GSE1: variants seen among roughly 807,000 people sequenced by gnomAD.
The protein encoded by GSE1 is Gse1 coiled-coil protein.
GSE1 carries 32 observed loss-of-function variants against 112.6 expected under a neutral mutation model. The ratio of observed to expected loss-of-function variants is 0.28; its 90% CI spans 0.21 to 0.38. The LOEUF is 0.38. Ranked by LOEUF, GSE1 falls within the 10% of genes least tolerant of loss-of-function variation. The probability of loss-of-function intolerance (pLI) is 1.00; values close to 1 mark genes in which losing one functional copy is unlikely to be tolerated. For synonymous variants in GSE1, 1,115 were observed against 735.6 expected, an observed-to-expected ratio of 1.52 and a Z score of -8.35; for missense variants, 2,348 against 1,699.2, an observed-to-expected ratio of 1.38 and a Z score of -6.71.
chr16:85,384,570 T>G (rs1402199151), intron 2 of GSE1, among the ~76,000 whole-genome samples: 1 of 152,224 alleles, frequency 6.6e-6, no homozygotes, highest in African/African-American at 2.4e-5. Flanking sequence ...TTTCCTTTAC[T>G]GTTCCTTGCC....
intron 1 of GSE1, among the ~76,000 whole-genome samples, chr16:85,587,851 C>G (rs1010882098): frequency 6.6e-6 from 1 of 152,226 alleles, no homozygotes; most frequent in South Asian, 2.1e-4. Flanking sequence ...CCCCCTCCCC[C>G]AGCCCTTCCC....
intron 1 of GSE1, among the ~76,000 whole-genome samples, chr16:85,596,868 T>C (rs1219904818): frequency 6.6e-6 from 1 of 152,160 alleles, no homozygotes; most frequent in Non-Finnish European, 1.5e-5. Context: ...AAACCCTGTC[T>C]CTACTAAAAA....
upstream of GSE1, among the ~76,000 whole-genome samples, chr16:85,607,823 C>G (rs1487334040): frequency 1.3e-5 from 2 of 152,234 alleles, no homozygotes; most frequent in African/African-American, 4.8e-5. Context: ...TGCTAGGAGA[C>G]AGGGGCCTTC....
At chr16:85,378,505 A>T (rs2151614971) in intron 2 of GSE1, among the ~76,000 whole-genome samples, 1 of 152,318 alleles carries the variant, frequency 6.6e-6, no homozygotes, top group Non-Finnish European at 1.5e-5. Context: ...CCAGGGCCAG[A>T]GAGACCCCAG....
chr16:85,297,441 A>C (rs184516823), intron 1 of GSE1, among the ~76,000 whole-genome samples: 1 of 152,332 alleles, frequency 6.6e-6, no homozygotes. Flanking sequence ...TAGTTTAAGA[A>C]TTATGACTTC....
chr16:85,259,906 A>G (rs1449524065), intron 1 of GSE1, among the ~76,000 whole-genome samples: 3 of 152,202 alleles, frequency 2.0e-5, no homozygotes, highest in Admixed American at 2.0e-4. Context: ...ACCCCAGCCC[A>G]GCTGCAGGGA....
intron 1 of GSE1, among the ~76,000 whole-genome samples, chr16:85,197,392 C>CAG (rs761831907): frequency 5.3e-5 from 8 of 152,290 alleles, no homozygotes. Context: ...TTCTCTTCCT[C>CAG]GGGGAATTTC....
chr16:85,412,743 C>A (rs954684952), intron 2 of GSE1, among the ~76,000 whole-genome samples: 3 of 152,066 alleles, frequency 2.0e-5, no homozygotes. Context: ...CCGGATAATC[C>A]TCACCGTTGC....
intron 1 of GSE1, among the ~76,000 whole-genome samples, chr16:85,306,783 T>C (rs895156213): frequency 1.3e-5 from 2 of 152,260 alleles, no homozygotes; most frequent in Admixed American, 6.5e-5. Flanking sequence ...CGGAGGCAGA[T>C]TGGAAGGAGC....
chr16:85,573,180 T>C (rs2046080674), intron 1 of GSE1, among the ~76,000 whole-genome samples: 1 of 152,216 alleles, frequency 6.6e-6, no homozygotes, highest in East Asian at 1.9e-4. Flanking sequence ...TTTCTTTTTT[T>C]AAAGGATGAA....
chr16:85,641,782 G>C (rs912270027), intron 2 of GSE1, among the ~76,000 whole-genome samples: 9 of 152,266 alleles, frequency 5.9e-5, no homozygotes, highest in Non-Finnish European at 4.4e-5. Flanking sequence ...GAAAGTGGCT[G>C]GGGTGACTCA....
chr16:85,465,082 C>G (rs2050086905), intron 2 of GSE1, among the ~76,000 whole-genome samples: 1 of 152,250 alleles, frequency 6.6e-6, no homozygotes, highest in African/African-American at 2.4e-5. Context: ...GGGTCACGCC[C>G]CCAGCCAGCC....
chr16:85,604,360 A>G (rs984699029), intron 1 of GSE1, among the ~76,000 whole-genome samples: 4 of 152,186 alleles, frequency 2.6e-5, no homozygotes, highest in African/African-American at 9.6e-5. Context: ...TGGCTGAGTA[A>G]TAGTCCACTC....
At chr16:85,266,030 T>G (rs1046651268) in intron 1 of GSE1, among the ~76,000 whole-genome samples, 3 of 152,180 alleles carry the variant, frequency 2.0e-5, no homozygotes, top group Non-Finnish European at 2.9e-5. Flanking sequence ...ATGATGGATT[T>G]CAGGCCGCGG....
At chr16:85,615,247 A>G (rs866961913) in intron 1 of GSE1, among the ~76,000 whole-genome samples, 20 of 152,112 alleles carry the variant, frequency 1.3e-4, no homozygotes, top group Admixed American at 3.3e-4. Flanking sequence ...TCCGACGGCG[A>G]AGTGTGTCAT....
chr16:85,662,775 G>A, intron 9 of GSE1: 1 of 546,594 alleles, frequency 1.8e-6, no homozygotes, highest in South Asian at 2.4e-5. Context: ...TGGATCCCAG[G>A]GAAGCCTGGT....
At chr16:85,510,420 CTGTG>C (rs964109424) in intron 2 of GSE1, among the ~76,000 whole-genome samples, 1 of 148,778 alleles carries the variant, frequency 6.7e-6, no homozygotes, top group Non-Finnish European at 1.5e-5. Context: ...GTGTGTGTGT[CTGTG>C]TGTGTGTGTG....
At chr16:85,405,087 GCC>G (rs554918732) in intron 2 of GSE1, among the ~76,000 whole-genome samples, 1 of 2,294 alleles carries the variant, frequency 4.4e-4, no homozygotes, top group Non-Finnish European at 1.6e-3. Flanking sequence ...TACACTCAGG[GCC>G]CCCCCGGATA....
At position 85,536,329 on chromosome 16, in the gene GSE1, C is replaced by G. The variant is rs567765999; in HGVS notation, c.2465-97585C>G. 2.7e-3 allele frequency among the ~76,000 whole-genome samples: 418 copies of G among 152,310 alleles called. 1 individual carries two copies. The highest frequency in any genetic ancestry group is 3.8e-3 in the Non-Finnish European group (260 of 68,028). On this transcript the variant is annotated intron_variant, in intron 2 of 2. Coordinates refer to the GSE1 transcript ENST00000637419. ...GGCTGAACCTTCTCTCAGTAAGTAA[C>G]AGTGGAGTTGGCTGCATGGGGGTGA...
Sources: allele counts gnomAD v4.1 joint callset (sites outside exome capture counted in the v4.1 genomes callset), GRCh38; gene constraint gnomAD v4.1.1; transcripts MANE v1.5; gene names NCBI Gene and HGNC (gene_info 2026-07-23, HGNC 2026-07-21).